PCDHA2: variants seen among roughly 807,000 people sequenced by gnomAD.
The protein encoded by PCDHA2 is protocadherin alpha-2.
Under a neutral mutation model 66.0 loss-of-function variants are expected in PCDHA2, and 58 were observed. The observed-to-expected ratio is 0.88, with a 90% confidence interval of 0.71 to 1.09. PCDHA2 has a LOEUF of 1.09. Ranked by LOEUF, PCDHA2 falls within the 50% of genes least tolerant of loss-of-function variation. The pLI, the probability that PCDHA2 is intolerant of heterozygous loss-of-function variation, is 0.00. For missense variants in PCDHA2, 1,267 were observed against 1,242.3 expected (o/e 1.02, Z -0.30); for synonymous variants, 634 against 554.0 (o/e 1.14, Z -2.03).
intron 1 of PCDHA2, chr5:140,816,333 A>C (rs2126670713): frequency 6.6e-6 from 1 of 152,168 alleles, no homozygotes; most frequent in Non-Finnish European, 1.5e-5. Flanking sequence ...TGTATTCTTC[A>C]GTTCCAAAAT....
intron 1 of PCDHA2, among the ~76,000 whole-genome samples, chr5:140,925,210 C>T (rs1319343041): frequency 2.0e-5 from 3 of 152,122 alleles, no homozygotes; most frequent in African/African-American, 7.2e-5. Context: ...ATTATCGATA[C>T]TTTTAGGCAG....
At chr5:140,901,060 A>AT (rs542927280) in intron 1 of PCDHA2, among the ~76,000 whole-genome samples, 21 of 151,128 alleles carry the variant, frequency 1.4e-4, no homozygotes, top group African/African-American at 3.2e-4. Flanking sequence ...AGATTATTAG[A>AT]TTTTTTTTTC....
intron 1 of PCDHA2, chr5:140,966,887 G>A: frequency 6.3e-7 from 1 of 1,592,682 alleles, no homozygotes. Flanking sequence ...TGGCCCTGCG[G>A]CCTCCCAGCT....
chr5:140,848,527 G>A (rs1379026024), intron 1 of PCDHA2: 2 of 1,594,382 alleles, frequency 1.3e-6, no homozygotes, highest in Admixed American at 1.7e-5. Context: ...GATCCAGAGG[G>A]TCAGCCTCTA....
intron 1 of PCDHA2, chr5:140,812,085 A>G (rs2150028709): frequency 6.7e-6 from 1 of 149,976 alleles, no homozygotes; most frequent in Admixed American, 6.7e-5. Flanking sequence ...GAAAACAATT[A>G]TCATTGATTC....
intron 3 of PCDHA2, among the ~76,000 whole-genome samples, chr5:141,007,754 T>C (rs991882656): frequency 6.6e-6 from 1 of 152,172 alleles, no homozygotes; most frequent in African/African-American, 2.4e-5. Flanking sequence ...AACTTTGGAC[T>C]CTTATTGGCC....
At chr5:140,807,138 T>G in intron 1 of PCDHA2, 1 of 1,568,760 alleles carries the variant, frequency 6.4e-7, no homozygotes, top group South Asian at 1.2e-5. Flanking sequence ...AAGATTTCCC[T>G]TGACTTTGAG....
At chr5:140,975,352 T>G (rs2096663445) in intron 1 of PCDHA2, among the ~76,000 whole-genome samples, 1 of 152,256 alleles carries the variant, frequency 6.6e-6, no homozygotes, top group African/African-American at 2.4e-5. Flanking sequence ...TAAAGCCAAC[T>G]GTGCTACATA....
At chr5:140,947,635 G>A (rs1170525936) in intron 1 of PCDHA2, among the ~76,000 whole-genome samples, 1 of 151,538 alleles carries the variant, frequency 6.6e-6, no homozygotes, top group African/African-American at 2.4e-5. Context: ...TCATCAGATC[G>A]TATGAACATA....
At chr5:140,882,971 G>C in intron 1 of PCDHA2, 1 of 1,614,206 alleles carries the variant, frequency 6.2e-7, no homozygotes, top group Non-Finnish European at 8.5e-7. Flanking sequence ...GATTCTGGAC[G>C]TGAATGACAA....
At chr5:140,919,417 T>C (rs782439186) in intron 1 of PCDHA2, among the ~76,000 whole-genome samples, 16 of 152,226 alleles carry the variant, frequency 1.1e-4, no homozygotes, top group Admixed American at 5.2e-4. Context: ...AGACTGACAA[T>C]TCTGCCTTTT....
chr5:140,796,668 T>G lies in PCDHA2; in HGVS notation c.1704T>G (p.Pro568=), dbSNP rs782184651. The part of the protein sequence containing the change: ...ENDNAPALLA[P]RAGTAAGAVS... The stretch of plus-strand genomic sequence containing the variant: ...ACAACGCGCCGGCACTGTTGGCGCC[T>G]AGGGCTGGCACCGCTGCTGGCGCAG... The change falls in exon 1 of 4, where the codon CCT becomes CCG. Residue 568 remains proline, a synonymous_variant. Coordinates refer to ENST00000526136, the MANE Select transcript of PCDHA2 (RefSeq NM_018905.3). The G allele has an allele frequency of 4.3e-6, 7 of 1,613,754 alleles. No individual in the cohort carries two copies. Among genetic ancestry groups the G allele is most frequent in the Non-Finnish European group, 5.9e-6 (7 of 1,179,882 alleles).
intron 1 of PCDHA2, among the ~76,000 whole-genome samples, chr5:140,921,561 T>C (rs373696344): frequency 6.6e-6 from 1 of 152,194 alleles, no homozygotes; most frequent in South Asian, 2.1e-4. Context: ...AGCTCTATTA[T>C]GTTATAGTAG....
rs545893416 is a variant in PCDHA2, at chr5:140,934,382, A to G, written c.2389-44567A>G. On this transcript the variant is annotated intron_variant, in intron 1 of 3. Transcript: ENST00000526136. ...CTGCTTTGACTCCTTCTGTGGTTCT[A>G]TGGTGGCCAGCTTTACCCACCAATG... Among the ~76,000 whole-genome samples the G allele has an allele frequency of 2.0e-3, 310 of 152,264 alleles. 8 individuals are homozygous for G. Among genetic ancestry groups the G allele is most frequent in the South Asian group, 3.9e-3 (19 of 4,830 alleles).
At chr5:140,822,997 C>T in intron 1 of PCDHA2, 1 of 1,614,238 alleles carries the variant, frequency 6.2e-7, no homozygotes, top group African/African-American at 1.3e-5. Flanking sequence ...CTCGTTGGTG[C>T]TGGACAGCGC....
rs782495760 is a variant in PCDHA2 at position 141,010,201 on chromosome 5, C to T, written c.*264C>T. Reference sequence around the variant, plus strand: ...GCAGACCCAAGTTTCCTTTCTCCTCCGCCGCAAAGGAGAGGCTTCCCAGCC... The same window carrying T: ...GCAGACCCAAGTTTCCTTTCTCCTCTGCCGCAAAGGAGAGGCTTCCCAGCC... On this transcript the variant is annotated 3_prime_UTR_variant, in exon 4 of 4. Coordinates refer to ENST00000526136, the MANE Select transcript of PCDHA2 (RefSeq NM_018905.3). The T allele has an allele frequency of 1.3e-5, 20 of 1,552,034 alleles. No individual in the cohort carries two copies. The East Asian group carries it at 1.7e-4, about 13-fold the overall frequency.
intron 1 of PCDHA2, chr5:140,876,441 T>C (rs1582281358): frequency 6.2e-7 from 1 of 1,613,992 alleles, no homozygotes; most frequent in East Asian, 2.2e-5. Flanking sequence ...TTAACGCCAT[T>C]GATAAAGGGA....
In PCDHA2 at chr5:140,877,192, G is replaced by C. The variant is rs202102698; in HGVS notation, c.2388+79840G>C. 3.5e-4 allele frequency: 559 copies of C among 1,613,846 alleles called. 3 individuals are homozygous for C. The African/African-American group carries it at 6.5e-3, about 19-fold the overall frequency. Reference sequence around the variant, plus strand: ...GCTGGCGACTCCGGCTGGCAGCGCAGGAGGCGCAGTTAGCGAGTTGGTACC... The same window carrying C: ...GCTGGCGACTCCGGCTGGCAGCGCACGAGGCGCAGTTAGCGAGTTGGTACC... On this transcript the variant is annotated intron_variant, in intron 1 of 3. Coordinates refer to ENST00000526136, the MANE Select transcript of PCDHA2 (RefSeq NM_018905.3).
At chr5:140,869,732 T>C (rs782783003) in intron 1 of PCDHA2, 2 of 1,613,412 alleles carry the variant, frequency 1.2e-6, no homozygotes, top group Non-Finnish European at 1.7e-6. Flanking sequence ...GAACTTAATT[T>C]GCTGCTAACA....
Sources: gnomAD v4.1 joint callset for allele counts (sites outside exome capture counted in the v4.1 genomes callset) on GRCh38, gnomAD v4.1.1 for gene constraint, MANE v1.5 for transcripts, NCBI Gene and HGNC (gene_info 2026-07-23, HGNC 2026-07-21) for gene names.